The following CCSER1 variants were observed in gnomAD, a reference collection of about 807,000 sequenced individuals.
CCSER1 encodes coiled-coil serine rich protein 1.
In CCSER1, 41 loss-of-function variants were observed where a neutral mutation model predicts 82.0. The observed-to-expected ratio is 0.50, with a 90% CI of 0.39 to 0.65. The LOEUF is 0.65. Ranked by LOEUF, CCSER1 falls within the 30% of genes least tolerant of loss-of-function variation. CCSER1 has a pLI of 0.00. For synonymous variants in CCSER1, 414 were observed against 383.9 expected, an observed-to-expected ratio of 1.08 and a Z score of -0.92; for missense variants, 1,119 against 1,064.2, an observed-to-expected ratio of 1.05 and a Z score of -0.72.
At chr4:91,257,589 T>A (rs2149160222) in intron 10 of CCSER1, among the ~76,000 whole-genome samples, 1 of 151,892 alleles carries the variant, frequency 6.6e-6, no homozygotes, top group South Asian at 2.1e-4. Context: ...TTCTTAAAAT[T>A]AAACAAAGGA....
chr4:90,773,453 G>T (rs996453610), intron 7 of CCSER1, among the ~76,000 whole-genome samples: 4 of 152,144 alleles, frequency 2.6e-5, no homozygotes, highest in African/African-American at 9.7e-5. Flanking sequence ...GCTTGATGGG[G>T]TTTGGAACTG....
At chr4:90,269,793 G>A (rs936647120) in intron 1 of CCSER1, among the ~76,000 whole-genome samples, 1 of 151,576 alleles carries the variant, frequency 6.6e-6, no homozygotes, top group African/African-American at 2.4e-5. Context: ...GCCTGACTAA[G>A]AAAACAGAAG....
chr4:90,536,024 T>C (rs28513298), intron 5 of CCSER1, among the ~76,000 whole-genome samples: 17,428 of 148,168 alleles, frequency 0.12, 1,571 homozygotes, highest in African/African-American at 0.25. Flanking sequence ...TCTTTTTCTT[T>C]CTTTCTGTTT....
intron 5 of CCSER1, among the ~76,000 whole-genome samples, chr4:90,471,663 T>C (rs557851264): frequency 6.6e-6 from 1 of 151,746 alleles, no homozygotes; most frequent in East Asian, 1.9e-4. Flanking sequence ...GTATTTTGGA[T>C]TTCCCATAAG....
intron 10 of CCSER1, among the ~76,000 whole-genome samples, chr4:91,379,145 C>T (rs1750669755): frequency 6.6e-6 from 1 of 152,168 alleles, no homozygotes; most frequent in African/African-American, 2.4e-5. Context: ...CTGCTGGATT[C>T]AGTTTGCCAC....
intron 5 of CCSER1, among the ~76,000 whole-genome samples, chr4:90,506,699 A>T (rs1341181237): frequency 6.6e-6 from 1 of 151,916 alleles, no homozygotes; most frequent in Non-Finnish European, 1.5e-5. Context: ...TGGGAGGCGG[A>T]GGTCACATTG....
rs926156669 is a variant in CCSER1, at chr4:90,568,884, C to T, written c.1725-59141C>T. 7.2e-5 allele frequency among the ~76,000 whole-genome samples: 11 copies of T among 151,910 alleles called. No individual in the cohort carries two copies. In the East Asian group the frequency reaches 1.8e-3, roughly 24 times the overall value. On this transcript the variant is annotated intron_variant, in intron 5 of 10. Coordinates refer to ENST00000509176, the MANE Select transcript of CCSER1 (RefSeq NM_001145065.2). Reference sequence around the variant, plus strand: ...CTGGGATCAAGCAATTCTCCTGCCTCAGCCTCCAAAGTAGCTGGGATTACA... The same window carrying T: ...CTGGGATCAAGCAATTCTCCTGCCTTAGCCTCCAAAGTAGCTGGGATTACA...
chr4:91,225,296 GTATATATATTATATATGTAATATATA>G (rs2149106386), intron 10 of CCSER1, among the ~76,000 whole-genome samples: 1 of 30,172 alleles, frequency 3.3e-5, no homozygotes, highest in South Asian at 1.1e-3. Context: ...TAATATATAT[GTATATATATTATATATGTAATATATA>G]TGTATATATA....
intron 10 of CCSER1, among the ~76,000 whole-genome samples, chr4:91,387,570 CT>C (rs1553931600): frequency 6.6e-6 from 1 of 152,002 alleles, no homozygotes; most frequent in Non-Finnish European, 1.5e-5. Context: ...GTTTAAGTAT[CT>C]AACTAATTTT....
chr4:90,412,085 C>A (rs899751154), intron 4 of CCSER1, among the ~76,000 whole-genome samples: 13 of 151,808 alleles, frequency 8.6e-5, no homozygotes, highest in African/African-American at 3.1e-4. Flanking sequence ...CAATGATAGA[C>A]TGGATTAAGA....
chr4:91,577,548 G>A (rs571104365), intron 10 of CCSER1, among the ~76,000 whole-genome samples: 2 of 151,992 alleles, frequency 1.3e-5, no homozygotes, highest in African/African-American at 2.4e-5. Context: ...ACAATGAATA[G>A]TATTGGATTA....
intron 6 of CCSER1, among the ~76,000 whole-genome samples, chr4:90,723,427 A>AT (rs1473217964): frequency 5.3e-5 from 8 of 151,980 alleles, no homozygotes; most frequent in Admixed American, 4.6e-4. Flanking sequence ...AAAATTTAAT[A>AT]TTTTTTCAGT....
At chr4:90,226,100 A>G (rs1458251978) in intron 1 of CCSER1, among the ~76,000 whole-genome samples, 1 of 152,158 alleles carries the variant, frequency 6.6e-6, no homozygotes, top group Non-Finnish European at 1.5e-5. Flanking sequence ...CAGTTCTTCC[A>G]CCTAGCTCAG....
chr4:90,840,234 T>G (rs887855647), intron 8 of CCSER1, among the ~76,000 whole-genome samples: 12 of 152,116 alleles, frequency 7.9e-5, no homozygotes, highest in African/African-American at 2.7e-4. Flanking sequence ...TAATATTAAA[T>G]GTGTGTGGGT....
At chr4:91,197,444 A>G (rs1735531179) in intron 10 of CCSER1, among the ~76,000 whole-genome samples, 1 of 152,206 alleles carries the variant, frequency 6.6e-6, no homozygotes, top group Non-Finnish European at 1.5e-5. Flanking sequence ...AGTAGTGTGG[A>G]GCCGCATGTG....
intron 1 of CCSER1, among the ~76,000 whole-genome samples, chr4:90,243,395 C>T (rs1156787403): frequency 6.6e-6 from 1 of 152,012 alleles, no homozygotes; most frequent in East Asian, 1.9e-4. Flanking sequence ...ATTACAGGAG[C>T]GTGCCACCAT....
intron 10 of CCSER1, among the ~76,000 whole-genome samples, chr4:91,292,871 C>T (rs1346959495): frequency 6.6e-6 from 1 of 151,894 alleles, no homozygotes; most frequent in Non-Finnish European, 1.5e-5. Context: ...TATACTATTC[C>T]ATGCTCCATA....
chr4:91,382,496 C>T (rs1402374072), intron 10 of CCSER1, among the ~76,000 whole-genome samples: 3 of 152,220 alleles, frequency 2.0e-5, no homozygotes, highest in Non-Finnish European at 4.4e-5. Context: ...GGTCATGGGA[C>T]CCTCTGAGCC....
chr4:91,555,648 A>G (rs1762364732), intron 10 of CCSER1, among the ~76,000 whole-genome samples: 1 of 151,250 alleles, frequency 6.6e-6, no homozygotes, highest in South Asian at 2.1e-4. Flanking sequence ...AATATTTGGA[A>G]CAAGAACAAA....
Sources: gnomAD v4.1 joint callset for allele counts (sites outside exome capture counted in the v4.1 genomes callset) on GRCh38, gnomAD v4.1.1 for gene constraint, MANE v1.5 for transcripts, NCBI Gene and HGNC (gene_info 2026-07-23, HGNC 2026-07-21) for gene names.